MELTF: variants seen among roughly 807,000 people sequenced by gnomAD.
MELTF encodes melanotransferrin.
MELTF carries 67 observed loss-of-function variants against 83.7 expected under a neutral mutation model. The observed-to-expected ratio is 0.80, with a 90% CI of 0.66 to 0.98. The LOEUF (loss-of-function observed/expected upper bound fraction) is 0.98, where lower values mean the gene tolerates loss of function less well. MELTF is among the 50% of genes least tolerant of loss of function. The pLI is 0.00. For synonymous variants in MELTF, 462 were observed against 447.6 expected, an observed-to-expected ratio of 1.03 and a Z score of -0.41; for missense variants, 1,002 against 1,035.6, an observed-to-expected ratio of 0.97 and a Z score of 0.44.
rs1577928539 is a variant in MELTF, at chr3:197,009,074, C to T, written c.1526-109G>A. 6 of 1,295,058 alleles carry T rather than the reference C, an allele frequency of 4.6e-6. No individual in the cohort carries two copies. The South Asian group carries it at 5.3e-5, about 11-fold the overall frequency. The allele number at this position is 1,295,058 out of a possible 1,614,324, so 80.2% of individuals were successfully genotyped here. A position where few individuals can be genotyped will look rare whatever the true frequency, so the allele number is the denominator to read the frequency against. On this transcript the variant is annotated intron_variant, in intron 11 of 15. Coordinates refer to ENST00000296350, the MANE Select transcript of MELTF (RefSeq NM_005929.6). ...TGCCCACCCCCCGGATCCTACACTG[C>T]AAGGCCACCTGTCTGCTCCGCTCCC...
Position 197,029,582 on chromosome 3 carries a change from C to T in MELTF, c.49+72G>A, listed in dbSNP as rs1007940316. On this transcript the variant is annotated intron_variant, in intron 1 of 15. Coordinates refer to ENST00000296350, the MANE Select transcript of MELTF (RefSeq NM_005929.6). The surrounding 1 kb of genome is among the most constrained non-coding windows in gnomAD (Gnocchi z 6.5). ...GCAGGCTCAGGCACATTTCCAGCCC[C>T]GGGACCTGCTCAGCCGGGCCGCGGC... is the stretch of plus-strand genomic sequence containing the variant. 151 of 1,186,222 alleles carry T rather than the reference C, an allele frequency of 1.3e-4. No homozygotes were observed. The highest frequency in any genetic ancestry group is 3.0e-4 in the Admixed American group (7 of 23,664). The allele number at this position is 1,186,222 out of a possible 1,614,324, so 73.5% of individuals were successfully genotyped here. A position where few individuals can be genotyped will look rare whatever the true frequency, so the allele number is the denominator to read the frequency against.
chr3:197,005,704 T>C (rs1718948133), intron 14 of MELTF, among the ~76,000 whole-genome samples: 1 of 151,774 alleles, frequency 6.6e-6, no homozygotes, highest in South Asian at 2.1e-4. Context: ...TCAAGTAAAA[T>C]GAAGACTGAG....
chr3:197,011,320 G>A lies in MELTF; in HGVS notation c.1234-526C>T, dbSNP rs1719180248. ...GATGGAGCTCTGCCTGCGGAGGCGC[G>A]GGAGGGTCCAGTGCCTTCTTCCCAG... On this transcript the variant is annotated intron_variant, in intron 9 of 15. Coordinates refer to ENST00000296350, the MANE Select transcript of MELTF (RefSeq NM_005929.6). This position sits in a 1 kb window ranked among gnomAD's most constrained non-coding sequence, Gnocchi z 4.2. Among the ~76,000 whole-genome samples the A allele has an allele frequency of 6.6e-6, 1 of 152,208 alleles. No individual in the cohort carries two copies. Among genetic ancestry groups the A allele is most frequent in the African/African-American group, 2.4e-5 (1 of 41,454 alleles).
chr3:197,019,333 C>A, intron 6 of MELTF: 1 of 1,117,590 alleles, frequency 8.9e-7, no homozygotes, highest in Non-Finnish European at 1.1e-6. Context: ...CAATGAAAGT[C>A]CTGTCACTTC....
rs1055540546 is a variant in MELTF at position 197,024,676 on chromosome 3, C to T, written c.305-191G>A. Among the ~76,000 whole-genome samples the T allele has an allele frequency of 2.6e-5, 4 of 152,356 alleles. No individual in the cohort carries two copies. The highest frequency in any genetic ancestry group is 2.6e-4 in the Admixed American group (4 of 15,308). On this transcript the variant is annotated intron_variant, in intron 3 of 15. Coordinates refer to ENST00000296350, the MANE Select transcript of MELTF (RefSeq NM_005929.6). This position sits in a 1 kb window ranked among gnomAD's most constrained non-coding sequence, Gnocchi z 5.3. ...TCTGCATGTATTAAGAGGCCCTGCC[C>T]TCTAGCCTCTTGAGGTAGAGACGAT...
At position 197,029,698 on chromosome 3, in the gene MELTF, C is replaced by T. The variant is rs751700450; in HGVS notation, c.5G>A (p.Arg2Gln). ...CAGCCACAGAGCCCCGCTCGGACCC[C>T]GCATGGCGCCGTCGGGGCTGGCTGG... M[R>Q]GPSGALWLLL... The change falls in exon 1 of 16, where the codon CGG (arginine) becomes CAG (glutamine). Residue 2 changes from arginine (R) to glutamine (Q), a missense_variant. Transcript: ENST00000296350. This position sits in a 1 kb window ranked among gnomAD's most constrained non-coding sequence, Gnocchi z 6.5. 3 of 1,241,028 alleles carry T rather than the reference C, an allele frequency of 2.4e-6. No individual in the cohort carries two copies. Among genetic ancestry groups the T allele is most frequent in the Admixed American group, 4.1e-5 (1 of 24,462 alleles). The allele number at this position is 1,241,028 out of a possible 1,614,324, so 76.9% of individuals were successfully genotyped here. A position where few individuals can be genotyped will look rare whatever the true frequency, so the allele number is the denominator to read the frequency against.
chr3:197,023,797 C>A (rs1719728250), intron 4 of MELTF: 26 of 455,350 alleles, frequency 5.7e-5, no homozygotes, highest in South Asian at 4.0e-4. Flanking sequence ...CCACTCACAC[C>A]TGGCCACCAG....
intron 10 of MELTF, 80 bp downstream of exon 10, chr3:197,010,618 G>T: frequency 1.6e-6 from 2 of 1,229,024 alleles, no homozygotes; most frequent in Non-Finnish European, 2.3e-6. Context: ...TTTTGAAAAT[G>T]GCTGAGGGGG....
rs1171448506 is a variant in MELTF, at chr3:197,016,602, G to A, written c.901-233C>T. The stretch of plus-strand genomic sequence containing the variant: ...TCATTTGGCCTCCTCACACTCAGCT[G>A]TTTGGACACATGGCTGTGGCCAGGC... On this transcript the variant is annotated intron_variant, in intron 7 of 15. Coordinates refer to ENST00000296350, the MANE Select transcript of MELTF (RefSeq NM_005929.6). Among the ~76,000 whole-genome samples the A allele has an allele frequency of 6.6e-5, 10 of 152,172 alleles. 1 individual carries two copies. The highest frequency in any genetic ancestry group is 6.5e-4 in the Admixed American group (10 of 15,288).
chr3:197,008,124 C>T lies in MELTF; in HGVS notation c.1750+533G>A, dbSNP rs1223820536. Among the ~76,000 whole-genome samples the T allele has an allele frequency of 5.9e-5, 9 of 152,156 alleles. No individual in the cohort carries two copies. The highest frequency in any genetic ancestry group is 2.1e-4 in the South Asian group (1 of 4,824). On this transcript the variant is annotated intron_variant, in intron 13 of 15. Coordinates refer to ENST00000296350, the MANE Select transcript of MELTF (RefSeq NM_005929.6). The surrounding 1 kb of genome is among the most constrained non-coding windows in gnomAD (Gnocchi z 5.4). ...TATGTACTGGGGTCCCGGAGCAGAG[C>T]GTTCCTGAGCTCTTTGTCCCAGGCG...
intron 6 of MELTF, chr3:197,019,183 A>AC (rs990463213): frequency 1.2e-5 from 12 of 1,001,444 alleles, no homozygotes; most frequent in Non-Finnish European, 1.3e-5. Flanking sequence ...GTGTAGTCCT[A>AC]CCCCCGCTTC....
At position 197,015,147 on chromosome 3, in the gene MELTF, G is replaced by C. The variant is rs548578876; in HGVS notation, c.1233+218C>G. ...TCACCCCTATCTGCCTGTCCCCTGG[G>C]GTGGGTGCTGGCCCCTGCGGTCGCT... On this transcript the variant is annotated intron_variant, in intron 9 of 15. Coordinates refer to ENST00000296350, the MANE Select transcript of MELTF (RefSeq NM_005929.6). Among the ~76,000 whole-genome samples the C allele has an allele frequency of 1.9e-4, 29 of 152,314 alleles. No homozygotes were observed. In the South Asian group the frequency reaches 3.3e-3, roughly 17 times the overall value.
rs1325660334 is a variant in MELTF, at chr3:197,015,473, C to G, written c.1125G>C (p.Glu375Asp). The G allele has an allele frequency of 6.2e-7, 1 of 1,611,674 alleles. No homozygotes were observed. Among genetic ancestry groups the G allele is most frequent in the Non-Finnish European group, 8.5e-7 (1 of 1,179,294 alleles). ...CGGCCATGTCTCCACACTTCTGGATCTCGGGAGTGGAGAGCACACACCAGC... is the reference window on the plus strand; with the variant it reads ...CGGCCATGTCTCCACACTTCTGGATGTCGGGAGTGGAGAGCACACACCAGC... ...YLRWCVLSTP[E>D]IQKCGDMAVA... The change falls in exon 9 of 16, where the codon GAG (glutamate) becomes GAC (aspartate). Residue 375 changes from glutamate to aspartate, a missense_variant. Physicochemically the swap from Glu to Asp is conservative, Grantham distance 45 (BLOSUM62 2). Coordinates refer to ENST00000296350, the MANE Select transcript of MELTF (RefSeq NM_005929.6).
At chr3:197,014,288 T>C (rs937204718) in intron 9 of MELTF, among the ~76,000 whole-genome samples, 2 of 152,020 alleles carry the variant, frequency 1.3e-5, no homozygotes, top group Non-Finnish European at 2.9e-5. Context: ...TCCACTCATA[T>C]GTGGAAGCTA....
At chr3:197,010,459 A>G (rs974787415) in intron 10 of MELTF, among the ~76,000 whole-genome samples, 5 of 152,234 alleles carry the variant, frequency 3.3e-5, no homozygotes, top group Admixed American at 1.3e-4. Flanking sequence ...TCGTCTGCAA[A>G]GCCTCATGTA....
At chr3:197,009,540 C>T (rs1038119135) in intron 11 of MELTF, 78 bp downstream of exon 11, 14 of 1,441,716 alleles carry the variant, frequency 9.7e-6, no homozygotes, top group African/African-American at 2.8e-5. Context: ...ACAAGGTCCT[C>T]TCCCCAACAG....
At chr3:197,027,639 C>T in intron 2 of MELTF, 117 bp downstream of exon 2, 2 of 1,300,730 alleles carry the variant, frequency 1.5e-6, no homozygotes, top group Non-Finnish European at 2.1e-6. Flanking sequence ...TCGGGAGATC[C>T]TATCGGCCGG....
chr3:197,025,808 T>C (rs1719831704), intron 3 of MELTF: 1 of 152,146 alleles, frequency 6.6e-6, no homozygotes. Flanking sequence ...CTGTGTGGAG[T>C]TCCAGAGGGT....
chr3:197,008,891 G>A lies in MELTF; in HGVS notation c.1600C>T (p.Leu534=). The A allele has an allele frequency of 6.2e-7, 1 of 1,614,220 alleles. No individual in the cohort carries two copies. The highest frequency in any genetic ancestry group is 8.5e-7 in the Non-Finnish European group (1 of 1,180,032). The change falls in exon 12 of 16, where the codon CTG becomes TTG. Residue 534 remains leucine, a synonymous_variant. Coordinates refer to ENST00000296350, the MANE Select transcript of MELTF (RefSeq NM_005929.6). This position sits in a 1 kb window ranked among gnomAD's most constrained non-coding sequence, Gnocchi z 5.4. ...PKNYPSSLCA[L]CVGDEQGRNK... ...CGGCCCTGCTCGTCCCCCACGCACA[G>A]TGCACACAGCGAGGAGGGGTAGTTC...
Sources: gnomAD v4.1 joint callset for allele counts (sites outside exome capture counted in the v4.1 genomes callset) on GRCh38, gnomAD v4.1.1 for gene constraint, Gnocchi (gnomAD v3.1) non-coding constraint, MANE v1.5 for transcripts, NCBI Gene and HGNC (gene_info 2026-07-23, HGNC 2026-07-21) for gene names.